Variants in ASAP1 observed in about 807,000 individuals in gnomAD.
ASAP1 encodes arf-GAP with SH3 domain, ANK repeat and PH domain-containing protein 1.
A neutral mutation model predicts 145.2 loss-of-function variants in ASAP1; 43 were observed. The ratio of observed to expected loss-of-function variants is 0.30; its 90% CI spans 0.23 to 0.38. The LOEUF (loss-of-function observed/expected upper bound fraction) is 0.38. Among genes scored for constraint, ASAP1 ranks in the 10% least tolerant of loss-of-function variants. ASAP1 has a pLI of 1.00. For synonymous variants in ASAP1, 546 were observed against 515.5 expected (o/e 1.06, Z -0.80); for missense variants, 1,018 against 1,355.3 (o/e 0.75, Z 3.91).
intron 29 of ASAP1, 33 bp downstream of exon 29, chr8:130,057,921 G>A: frequency 6.2e-7 from 1 of 1,611,492 alleles, no homozygotes; most frequent in South Asian, 1.1e-5. Context: ...CTGTATGAAT[G>A]TACGGATGAA....
chr8:130,217,197 G>A (rs966702362), intron 4 of ASAP1, among the ~76,000 whole-genome samples: 2 of 152,114 alleles, frequency 1.3e-5, no homozygotes, highest in Admixed American at 1.3e-4. Flanking sequence ...TCCCTCCTCT[G>A]TTGTGGCGCA....
At chr8:130,379,981 C>T (rs1230865859) in intron 2 of ASAP1, among the ~76,000 whole-genome samples, 3 of 152,134 alleles carry the variant, frequency 2.0e-5, no homozygotes, top group Admixed American at 6.5e-5. Context: ...GATCCCCCTG[C>T]GACCTCACCC....
chr8:130,256,536 T>G (rs1206656383), intron 3 of ASAP1, among the ~76,000 whole-genome samples: 1 of 151,820 alleles, frequency 6.6e-6, no homozygotes, highest in African/African-American at 2.4e-5. Context: ...TCCCACTTAT[T>G]AGGTGGCTAG....
chr8:130,094,737 A>C (rs1022829537), intron 24 of ASAP1, among the ~76,000 whole-genome samples: 5 of 152,238 alleles, frequency 3.3e-5, no homozygotes, highest in African/African-American at 4.8e-5. Context: ...CCTGAAAGCC[A>C]GAGCAGCATT....
At position 130,053,558 on chromosome 8, in the gene ASAP1, G is replaced by A. The variant is rs1184199236; in HGVS notation, c.*1173C>T. ...AAGACTGGAAAAATTATCTATAATTGGGGTTTAACAAAGAGCATGGGAAAA... is the reference window on the plus strand; with the variant it reads ...AAGACTGGAAAAATTATCTATAATTAGGGTTTAACAAAGAGCATGGGAAAA... On this transcript the variant is annotated 3_prime_UTR_variant, in exon 30 of 30. Coordinates refer to ENST00000518721, the MANE Select transcript of ASAP1 (RefSeq NM_018482.4). 6.6e-6 allele frequency: 1 copy of A among 152,168 alleles called. No individual in the cohort carries two copies. Among genetic ancestry groups the A allele is most frequent in the Non-Finnish European group, 1.5e-5 (1 of 68,034 alleles). 9.4% of individuals were successfully genotyped at this position (152,168 alleles called of 1,614,324 possible). A position where few individuals can be genotyped will look rare whatever the true frequency, so the allele number is the denominator to read the frequency against.
rs1258854499 is a variant in ASAP1 at position 130,358,503 on chromosome 8, C to G, written c.60-360G>C. Among the ~76,000 whole-genome samples the G allele has an allele frequency of 3.4e-5, 5 of 147,908 alleles. No individual in the cohort carries two copies. The highest frequency in any genetic ancestry group is 6.0e-5 in the Non-Finnish European group (4 of 66,334). ...TCTTCGCGGGGGTCTGGGCTCCGGC[C>G]GGCCGCTGGGGCGTGCGCGGGCTGG... is the stretch of plus-strand genomic sequence containing the variant. On this transcript the variant is annotated intron_variant, in intron 2 of 29. Transcript: ENST00000518721. This position sits in a 1 kb window ranked among gnomAD's most constrained non-coding sequence, Gnocchi z 4.1.
chr8:130,424,361 C>G (rs956466635), intron 1 of ASAP1, among the ~76,000 whole-genome samples: 1 of 152,210 alleles, frequency 6.6e-6, no homozygotes, highest in African/African-American at 2.4e-5. Context: ...TCTCCTGATG[C>G]AATTATCCAC....
chr8:130,072,846 T>G (rs2097452591), intron 27 of ASAP1, among the ~76,000 whole-genome samples: 1 of 76,872 alleles, frequency 1.3e-5, no homozygotes, highest in Non-Finnish European at 2.5e-5. Context: ...GGGGCAGTTT[T>G]GGGGACTGAG....
chr8:130,058,022 C>T lies in ASAP1; in HGVS notation c.3247G>A (p.Asp1083Asn), dbSNP rs1275826175. 8 of 1,614,226 alleles carry T rather than the reference C, an allele frequency of 5.0e-6. No homozygotes were observed. In the South Asian group the frequency reaches 6.6e-5, roughly 13 times the overall value. ...CCCTCGATGAATGTGAGCTCGTCAT[C>T]GTTGTCTGCCTGGCAGTCATAAATG... ...KTIYDCQADN[D>N]DELTFIEGEV... The change falls in exon 29 of 30, where the codon GAT becomes AAT. Residue 1083 changes from aspartate to asparagine, a missense_variant. Physicochemically the swap from Asp to Asn is conservative, Grantham distance 23. Transcript: ENST00000518721.
chr8:130,068,089 C>T (rs1199982475), intron 27 of ASAP1, among the ~76,000 whole-genome samples: 4 of 152,172 alleles, frequency 2.6e-5, no homozygotes, highest in Non-Finnish European at 5.9e-5. Context: ...GTGCTGAGAT[C>T]AGTTACTAAA....
chr8:130,058,919 C>A (rs1026198521), intron 28 of ASAP1, among the ~76,000 whole-genome samples: 1 of 152,094 alleles, frequency 6.6e-6, no homozygotes, highest in Non-Finnish European at 1.5e-5. Flanking sequence ...GCAGTGACTG[C>A]GTGAGCAACT....
chr8:130,210,773 T>A (rs1230550031), intron 5 of ASAP1, among the ~76,000 whole-genome samples: 2 of 152,216 alleles, frequency 1.3e-5, no homozygotes, highest in African/African-American at 4.8e-5. Context: ...GGTATATATT[T>A]TTTGAAGATT....
chr8:130,099,841 T>C (rs1157577895), intron 24 of ASAP1, among the ~76,000 whole-genome samples: 1 of 152,076 alleles, frequency 6.6e-6, no homozygotes, highest in Non-Finnish European at 1.5e-5. Context: ...GCCCAGCCTA[T>C]AGGATTTCAT....
At chr8:130,107,673 G>A (rs368315105) in intron 24 of ASAP1, among the ~76,000 whole-genome samples, 69 of 151,996 alleles carry the variant, frequency 4.5e-4, no homozygotes, top group African/African-American at 1.5e-3. Flanking sequence ...TCAGAATCCT[G>A]AGTAGCTGGG....
chr8:130,169,025 C>T lies in ASAP1; in HGVS notation c.789G>A (p.Gln263=), dbSNP rs113163415. ...AATCAGCAGCCAGTTTTTCAATGTA[C>T]TGTTTCAACTTATCAGCTGTTTTCA... The part of the protein sequence containing the change: ...DGLKTADKLK[Q]YIEKLAADLY... Residue 263 remains glutamine (Q), a synonymous_variant, in exon 10 of 30, where the codon CAG becomes CAA. Transcript: ENST00000518721. 4,770 of 1,574,346 alleles carry T rather than the reference C, an allele frequency of 3.0e-3. 109 individuals are homozygous for T. The African/African-American group carries it at 0.052, about 17-fold the overall frequency.
intron 3 of ASAP1, among the ~76,000 whole-genome samples, chr8:130,331,148 A>G (rs982352203): frequency 7.9e-5 from 12 of 152,318 alleles, no homozygotes; most frequent in African/African-American, 2.9e-4. Flanking sequence ...ATTAAATGTC[A>G]GCTAATCTTA....
At chr8:130,178,432 A>G (rs1221075407) in intron 9 of ASAP1, among the ~76,000 whole-genome samples, 1 of 152,250 alleles carries the variant, frequency 6.6e-6, no homozygotes, top group Non-Finnish European at 1.5e-5. Flanking sequence ...TCACAAACAT[A>G]ACAAAAAGAT....
intron 27 of ASAP1, among the ~76,000 whole-genome samples, chr8:130,065,244 G>C (rs1022404086): frequency 6.6e-6 from 1 of 152,104 alleles, no homozygotes; most frequent in Non-Finnish European, 1.5e-5. Flanking sequence ...CACAGGGCGG[G>C]GTCTGGAAGG....
chr8:130,321,692 A>T (rs1343674734), intron 3 of ASAP1, among the ~76,000 whole-genome samples: 1 of 152,174 alleles, frequency 6.6e-6, no homozygotes, highest in Non-Finnish European at 1.5e-5. Context: ...ATTACTAGTC[A>T]CTTAAATTGT....
Sources: allele counts gnomAD v4.1 joint callset (sites outside exome capture counted in the v4.1 genomes callset), GRCh38; gene constraint gnomAD v4.1.1; non-coding constraint Gnocchi (gnomAD v3.1); transcripts MANE v1.5; gene names NCBI Gene and HGNC (gene_info 2026-07-23, HGNC 2026-07-21).